SEMA3A: variants seen among roughly 807,000 people sequenced by gnomAD.
The protein encoded by SEMA3A is semaphorin-3A.
In SEMA3A, 29 loss-of-function variants were observed where a neutral mutation model predicts 97.9. That is an observed-to-expected ratio of 0.30 (90% CI 0.22 to 0.40). The LOEUF (loss-of-function observed/expected upper bound fraction) is 0.40, where lower values mean the gene tolerates loss of function less well. SEMA3A is among the 10% of genes least tolerant of loss of function. The pLI, the probability that SEMA3A is intolerant of heterozygous loss-of-function variation, is 1.00. For missense variants in SEMA3A, 763 were observed against 951.3 expected, an observed-to-expected ratio of 0.80 and a Z score of 2.60; for synonymous variants, 321 against 323.7, an observed-to-expected ratio of 0.99 and a Z score of 0.09.
chr7:84,052,384 T>A (rs1792716959), intron 5 of SEMA3A, among the ~76,000 whole-genome samples: 1 of 152,214 alleles, frequency 6.6e-6, no homozygotes, highest in South Asian at 2.1e-4. Flanking sequence ...TGCCACAATT[T>A]CAGATCCTGT....
intron 1 of SEMA3A, among the ~76,000 whole-genome samples, chr7:84,446,884 GC>G (rs1366779423): frequency 6.6e-6 from 1 of 152,012 alleles, no homozygotes; most frequent in African/African-American, 2.4e-5. Flanking sequence ...ACAGGTGGGA[GC>G]CCCACCTGCT....
intron 1 of SEMA3A, among the ~76,000 whole-genome samples, chr7:84,180,694 T>TA (rs1048007504): frequency 1.3e-5 from 2 of 151,848 alleles, no homozygotes; most frequent in African/African-American, 4.8e-5. Flanking sequence ...TCTCAAATAA[T>TA]AAAAAATAAA....
chr7:84,337,881 C>T (rs1352046924), intron 2 of SEMA3A, among the ~76,000 whole-genome samples: 2 of 151,986 alleles, frequency 1.3e-5, no homozygotes, highest in African/African-American at 4.8e-5. Flanking sequence ...TGTTTCTCAA[C>T]AATAAATTTC....
At chr7:84,357,968 C>A (rs996195244) in intron 2 of SEMA3A, among the ~76,000 whole-genome samples, 8 of 152,146 alleles carry the variant, frequency 5.3e-5, no homozygotes, top group Admixed American at 3.3e-4. Context: ...CCTTCACCCA[C>A]TTGTTGATGG....
At chr7:83,976,867 T>A (rs1789170747) in intron 15 of SEMA3A, among the ~76,000 whole-genome samples, 1 of 152,142 alleles carries the variant, frequency 6.6e-6, no homozygotes, top group Non-Finnish European at 1.5e-5. Context: ...CTTCTTTTTG[T>A]TAATATAAGA....
At chr7:84,193,219 G>A (rs1034939348) in intron 1 of SEMA3A, among the ~76,000 whole-genome samples, 2 of 151,814 alleles carry the variant, frequency 1.3e-5, no homozygotes, top group South Asian at 2.1e-4. Context: ...ACATTACTAG[G>A]TGTTTAATTT....
intron 1 of SEMA3A, among the ~76,000 whole-genome samples, chr7:84,170,071 C>G (rs998413640): frequency 6.6e-6 from 1 of 151,882 alleles, no homozygotes; most frequent in Non-Finnish European, 1.5e-5. Flanking sequence ...ACCAAGCACA[C>G]TGCAATTTCA....
intron 16 of SEMA3A, 142 bp from the exon 17 acceptor site, chr7:83,961,968 G>A (rs559644342): frequency 3.2e-5 from 18 of 568,906 alleles, no homozygotes; most frequent in African/African-American, 2.1e-4. Flanking sequence ...TAAGAGAAGT[G>A]ATAGCATTTT....
At chr7:84,300,025 T>A (rs1584216881) in intron 3 of SEMA3A, among the ~76,000 whole-genome samples, 1 of 105,218 alleles carries the variant, frequency 9.5e-6, no homozygotes, top group Admixed American at 1.2e-4. Context: ...AGAGTGAGAC[T>A]CAGTCACAAA....
chr7:84,151,221 C>G (rs143066350), intron 1 of SEMA3A, among the ~76,000 whole-genome samples: 45,363 of 151,830 alleles, frequency 0.3, 7,846 homozygotes, highest in East Asian at 0.5. Flanking sequence ...TCACCAGCAA[C>G]GGAACTAAGC....
intron 1 of SEMA3A, among the ~76,000 whole-genome samples, chr7:84,375,336 T>C (rs1803071587): frequency 6.6e-6 from 1 of 152,108 alleles, no homozygotes; most frequent in Non-Finnish European, 1.5e-5. Context: ...AGTAATATTA[T>C]TGAGGGCATT....
At chr7:84,153,126 T>C (rs943907945) in intron 1 of SEMA3A, among the ~76,000 whole-genome samples, 1 of 152,180 alleles carries the variant, frequency 6.6e-6, no homozygotes, top group African/African-American at 2.4e-5. Flanking sequence ...CACTCTCCTT[T>C]TGATAAGCTC....
intron 6 of SEMA3A, among the ~76,000 whole-genome samples, chr7:84,032,042 C>T (rs955315875): frequency 5.9e-5 from 9 of 152,020 alleles, no homozygotes; most frequent in African/African-American, 2.2e-4. Flanking sequence ...CATAGTCTCA[C>T]AAAACATTTA....
Position 83,958,157 on chromosome 7 carries a change from CTTAAT to C in SEMA3A, c.*3209_*3213del, listed in dbSNP as rs2116231772. On this transcript the variant is annotated 3_prime_UTR_variant, in exon 17 of 17. Transcript: ENST00000265362. Reference sequence around the variant, plus strand: ...AGGTATGACATTAAAAAGAACAATACTTAATTTAAAGGGCATAAAAATTCACATCA... The same window carrying C: ...AGGTATGACATTAAAAAGAACAATACTTAAAGGGCATAAAAATTCACATCA... 6.6e-6 allele frequency: 1 copy of C among 152,216 alleles called. No homozygotes were observed. The highest frequency in any genetic ancestry group is 1.9e-4 in the East Asian group (1 of 5,182). 9.4% of individuals were successfully genotyped at this position (152,216 alleles called of 1,614,324 possible).
At chr7:84,036,987 T>A (rs909114875) in intron 6 of SEMA3A, among the ~76,000 whole-genome samples, 1 of 152,128 alleles carries the variant, frequency 6.6e-6, no homozygotes, top group Non-Finnish European at 1.5e-5. Flanking sequence ...AGTTTGTTGA[T>A]GTCATTGATT....
At chr7:84,409,388 G>A (rs1804199309) in intron 1 of SEMA3A, among the ~76,000 whole-genome samples, 1 of 151,734 alleles carries the variant, frequency 6.6e-6, no homozygotes, top group Non-Finnish European at 1.5e-5. Flanking sequence ...TTTTGCTTCT[G>A]TATTCCTCTA....
At chr7:84,194,013 T>A (rs1400395991) in intron 1 of SEMA3A, among the ~76,000 whole-genome samples, 2 of 152,170 alleles carry the variant, frequency 1.3e-5, no homozygotes, top group Non-Finnish European at 2.9e-5. Flanking sequence ...ATTGTCAGAT[T>A]TGAACAAACT....
intron 12 of SEMA3A, among the ~76,000 whole-genome samples, chr7:83,992,759 T>C (rs7808908): frequency 0.035 from 5,328 of 152,056 alleles, 324 homozygotes; most frequent in African/African-American, 0.12. Context: ...AATTTTGGAA[T>C]AGATGTGGTG....
chr7:84,078,082 G>C (rs184525980), intron 4 of SEMA3A, among the ~76,000 whole-genome samples: 2 of 152,012 alleles, frequency 1.3e-5, no homozygotes, highest in East Asian at 3.9e-4. Context: ...AAAATATTAG[G>C]TCTTTAACAT....
Sources: gnomAD v4.1 joint callset for allele counts (sites outside exome capture counted in the v4.1 genomes callset) on GRCh38, gnomAD v4.1.1 for gene constraint, MANE v1.5 for transcripts, NCBI Gene and HGNC (gene_info 2026-07-23, HGNC 2026-07-21) for gene names.